Variants in SLC24A3 observed in about 807,000 individuals in gnomAD.
SLC24A3 encodes the protein sodium/potassium/calcium exchanger 3.
Under a neutral mutation model 75.8 loss-of-function variants are expected in SLC24A3, and 28 were observed. The observed-to-expected ratio is 0.37, with a 90% CI of 0.27 to 0.51. SLC24A3 has a LOEUF of 0.51. Ranked by LOEUF, SLC24A3 falls within the 20% of genes least tolerant of loss-of-function variation. The pLI, the probability that SLC24A3 is intolerant of heterozygous loss-of-function variation, is 0.94. For synonymous variants in SLC24A3, 372 were observed against 334.1 expected (o/e 1.11, Z -1.24); for missense variants, 663 against 847.8 (o/e 0.78, Z 2.71).
At chr20:19,343,564 GA>G (rs923678139) in intron 2 of SLC24A3, among the ~76,000 whole-genome samples, 101 of 148,456 alleles carry the variant, frequency 6.8e-4, no homozygotes, top group Middle Eastern at 6.9e-3. Context: ...AGTTGAAGGA[GA>G]AAAAAAAAAT....
At chr20:19,504,867 T>C (rs1248354008) in intron 2 of SLC24A3, among the ~76,000 whole-genome samples, 1 of 152,250 alleles carries the variant, frequency 6.6e-6, no homozygotes, top group Non-Finnish European at 1.5e-5. Context: ...ATGCATGCCG[T>C]AGGCTCTTGC....
At chr20:19,451,051 A>T (rs1030579582) in intron 2 of SLC24A3, among the ~76,000 whole-genome samples, 6 of 152,174 alleles carry the variant, frequency 3.9e-5, no homozygotes. Flanking sequence ...GGTTTTGTTA[A>T]TGCTCCATTA....
intron 7 of SLC24A3, among the ~76,000 whole-genome samples, chr20:19,659,289 C>T (rs2032300010): frequency 6.6e-6 from 1 of 152,188 alleles, no homozygotes; most frequent in African/African-American, 2.4e-5. Flanking sequence ...TCCTTCCTTC[C>T]CTGGGACATT....
intron 3 of SLC24A3, among the ~76,000 whole-genome samples, chr20:19,519,501 A>G (rs920750896): frequency 1.3e-5 from 2 of 152,216 alleles, no homozygotes; most frequent in South Asian, 2.1e-4. Context: ...GCTTTTTAAA[A>G]AAGGTTTCTG....
chr20:19,353,563 A>G lies in SLC24A3; in HGVS notation c.271+72476A>G, dbSNP rs118025867. Among the ~76,000 whole-genome samples the G allele has an allele frequency of 2.0e-3, 310 of 152,326 alleles. 11 individuals carry two copies. In the East Asian group the frequency reaches 0.046, roughly 23 times the overall value. On this transcript the variant is annotated intron_variant, in intron 2 of 16. Coordinates refer to ENST00000328041, the MANE Select transcript of SLC24A3 (RefSeq NM_020689.4). The stretch of plus-strand genomic sequence containing the variant: ...TGTCAGAAACTGTGCTAGAGATGCA[A>G]GAACTATTAAGACATGATCCTTGTG...
intron 2 of SLC24A3, among the ~76,000 whole-genome samples, chr20:19,393,126 A>T (rs759784170): frequency 6.6e-6 from 1 of 152,224 alleles, no homozygotes; most frequent in Non-Finnish European, 1.5e-5. Flanking sequence ...AAATATGCAT[A>T]ATCTCTTACA....
intron 9 of SLC24A3, among the ~76,000 whole-genome samples, chr20:19,674,946 G>A (rs190029296): frequency 6.3e-4 from 96 of 152,270 alleles, no homozygotes; most frequent in Admixed American, 1.0e-3. Flanking sequence ...CCAGCTACTT[G>A]GGAGGAGGCA....
At chr20:19,402,496 C>CTT (rs1986569878) in intron 2 of SLC24A3, among the ~76,000 whole-genome samples, 1 of 152,158 alleles carries the variant, frequency 6.6e-6, no homozygotes. Context: ...GGAAATGAGG[C>CTT]CATGTCCTCA....
At chr20:19,502,731 T>TA (rs1440970731) in intron 2 of SLC24A3, among the ~76,000 whole-genome samples, 5 of 151,214 alleles carry the variant, frequency 3.3e-5, no homozygotes, top group Admixed American at 6.6e-5. Context: ...AAATATATAA[T>TA]AAAAAAAATT....
At chr20:19,640,258 A>T (rs1035001929) in intron 6 of SLC24A3, among the ~76,000 whole-genome samples, 1 of 152,244 alleles carries the variant, frequency 6.6e-6, no homozygotes, top group Non-Finnish European at 1.5e-5. Context: ...AGACATCAAT[A>T]CAAAACAAGA....
At chr20:19,582,779 G>A (rs1241959078) in intron 4 of SLC24A3, among the ~76,000 whole-genome samples, 1 of 152,192 alleles carries the variant, frequency 6.6e-6, no homozygotes, top group Non-Finnish European at 1.5e-5. Context: ...AAGGGAGAGA[G>A]GCATTTCAGG....
chr20:19,715,995 G>A (rs1416089788), intron 15 of SLC24A3, among the ~76,000 whole-genome samples: 1 of 152,226 alleles, frequency 6.6e-6, no homozygotes, highest in African/African-American at 2.4e-5. Context: ...GAGAACAGAA[G>A]TGGATCTGAG....
chr20:19,269,630 T>C lies in SLC24A3; in HGVS notation c.143-11329T>C, dbSNP rs138649047. ...TGAAAGCTGAAAGCTGTCTTCATTG[T>C]GAGACCCACTGCACAAACACCTATA... On this transcript the variant is annotated intron_variant, in intron 1 of 16. Transcript: ENST00000328041. Among the ~76,000 whole-genome samples the C allele has an allele frequency of 2.6e-5, 4 of 152,358 alleles. No individual in the cohort carries two copies. In the East Asian group the frequency reaches 7.7e-4, roughly 29 times the overall value.
At chr20:19,252,821 A>G (rs943072128) in intron 1 of SLC24A3, among the ~76,000 whole-genome samples, 1 of 152,162 alleles carries the variant, frequency 6.6e-6, no homozygotes, top group Non-Finnish European at 1.5e-5. Context: ...TGAAGCCTCC[A>G]GTATGGGGGA....
Position 19,423,069 on chromosome 20 carries a change from T to G in SLC24A3, c.272-92419T>G, listed in dbSNP as rs540906457. Among the ~76,000 whole-genome samples the G allele has an allele frequency of 5.9e-5, 9 of 152,324 alleles. No individual in the cohort carries two copies. In the East Asian group the frequency reaches 1.7e-3, roughly 29 times the overall value. ...ACATATTCATGTGGCCTGAGCAAAC[T>G]CCTATGGCTGGGCACCTGGCATGCT... On this transcript the variant is annotated intron_variant, in intron 2 of 16. Coordinates refer to ENST00000328041, the MANE Select transcript of SLC24A3 (RefSeq NM_020689.4).
intron 1 of SLC24A3, among the ~76,000 whole-genome samples, chr20:19,269,919 T>C (rs369141605): frequency 6.6e-6 from 1 of 152,354 alleles, no homozygotes; most frequent in East Asian, 1.9e-4. Context: ...ACATCCTGCA[T>C]GCATACCTTC....
At chr20:19,504,240 G>A (rs1220421155) in intron 2 of SLC24A3, among the ~76,000 whole-genome samples, 3 of 152,148 alleles carry the variant, frequency 2.0e-5, no homozygotes, top group Admixed American at 6.5e-5. Context: ...GAAGCAGAGG[G>A]AAACTTTTGT....
At chr20:19,564,838 A>G (rs1056510079) in intron 3 of SLC24A3, among the ~76,000 whole-genome samples, 4 of 152,190 alleles carry the variant, frequency 2.6e-5, no homozygotes, top group Non-Finnish European at 5.9e-5. Flanking sequence ...GTAGGTATCA[A>G]TTCTTCCAGA....
At chr20:19,418,480 G>T (rs1986862616) in intron 2 of SLC24A3, among the ~76,000 whole-genome samples, 1 of 152,012 alleles carries the variant, frequency 6.6e-6, no homozygotes, top group South Asian at 2.1e-4. Context: ...AAGAAAATTA[G>T]AGGACTGGTC....
Sources: gnomAD v4.1 joint callset for allele counts (sites outside exome capture counted in the v4.1 genomes callset) on GRCh38, gnomAD v4.1.1 for gene constraint, MANE v1.5 for transcripts, NCBI Gene and HGNC (gene_info 2026-07-23, HGNC 2026-07-21) for gene names.